Variants in RBMS1 observed in about 807,000 individuals in gnomAD.
RBMS1 encodes RNA binding motif single stranded interacting protein 1, also known as RNA-binding motif, single-stranded-interacting protein 1.
A neutral mutation model predicts 62.3 loss-of-function variants in RBMS1; 17 were observed. The ratio of observed to expected loss-of-function variants is 0.27; its 90% CI spans 0.19 to 0.41. The LOEUF is 0.41. Among genes scored for constraint, RBMS1 ranks in the 10% least tolerant of loss-of-function variants. RBMS1 has a pLI of 1.00. For missense variants in RBMS1, 334 were observed against 504.5 expected (o/e 0.66, Z 3.24); for synonymous variants, 172 against 170.0 (o/e 1.01, Z -0.09).
At chr2:160,348,469 G>C (rs1692308524) in intron 2 of RBMS1, among the ~76,000 whole-genome samples, 1 of 152,080 alleles carries the variant, frequency 6.6e-6, no homozygotes, top group Non-Finnish European at 1.5e-5. Context: ...ACATACCCTA[G>C]AAGGCAAAGG....
chr2:160,359,016 A>G (rs1573927243), intron 2 of RBMS1, among the ~76,000 whole-genome samples: 1 of 152,326 alleles, frequency 6.6e-6, no homozygotes, highest in East Asian at 1.9e-4. Context: ...AATCTCAATT[A>G]TCTGAGATGT....
intron 2 of RBMS1, among the ~76,000 whole-genome samples, chr2:160,339,045 A>G (rs891755785): frequency 6.6e-6 from 1 of 152,212 alleles, no homozygotes. Flanking sequence ...TACACAGGCA[A>G]GCAGGGTTTC....
chr2:160,479,741 G>A (rs993479870), intron 1 of RBMS1, among the ~76,000 whole-genome samples: 1 of 152,138 alleles, frequency 6.6e-6, no homozygotes, highest in African/African-American at 2.4e-5. Context: ...GAGTGGCTTA[G>A]ACTAGATGAT....
chr2:160,300,921 A>C (rs1689175309), intron 5 of RBMS1, among the ~76,000 whole-genome samples, 191 bp from the exon 6 acceptor site: 1 of 152,228 alleles, frequency 6.6e-6, no homozygotes, highest in African/African-American at 2.4e-5. Context: ...TAAAATGACA[A>C]CTGATAACAA....
chr2:160,380,706 C>T (rs1246815646), intron 1 of RBMS1, among the ~76,000 whole-genome samples: 4 of 152,118 alleles, frequency 2.6e-5, no homozygotes. Flanking sequence ...AAGATCGGAA[C>T]CAAGCATGAT....
chr2:160,290,323 A>C (rs1688617190), intron 6 of RBMS1, among the ~76,000 whole-genome samples: 1 of 151,758 alleles, frequency 6.6e-6, no homozygotes, highest in South Asian at 2.1e-4. Flanking sequence ...TAGTCATATG[A>C]CTTTGAGTGA....
intron 2 of RBMS1, among the ~76,000 whole-genome samples, chr2:160,333,557 C>T (rs554300680): frequency 1.3e-5 from 2 of 152,128 alleles, no homozygotes; most frequent in Non-Finnish European, 2.9e-5. Flanking sequence ...CAGGCCCCTG[C>T]TTGTTTCCTC....
chr2:160,326,155 G>A (rs929853531), intron 2 of RBMS1, among the ~76,000 whole-genome samples: 5 of 152,148 alleles, frequency 3.3e-5, no homozygotes, highest in African/African-American at 9.7e-5. Context: ...AAAACCAGGC[G>A]CTGAAGGTGA....
At chr2:160,387,343 A>T (rs1403087640) in intron 1 of RBMS1, among the ~76,000 whole-genome samples, 1 of 150,924 alleles carries the variant, frequency 6.6e-6, no homozygotes, top group African/African-American at 2.4e-5. Flanking sequence ...CTTAGGAGGG[A>T]TGAATAAGAA....
At chr2:160,285,330 T>A (rs1331765671) in intron 7 of RBMS1, among the ~76,000 whole-genome samples, 1 of 152,170 alleles carries the variant, frequency 6.6e-6, no homozygotes, top group Non-Finnish European at 1.5e-5. Flanking sequence ...TGGGAGTTTC[T>A]GTTAGTCAAA....
At chr2:160,459,387 A>C (rs572357648) in intron 1 of RBMS1, among the ~76,000 whole-genome samples, 1 of 152,298 alleles carries the variant, frequency 6.6e-6, no homozygotes, top group South Asian at 2.1e-4. Context: ...TTGATCCTCC[A>C]TGATCTTTTT....
At chr2:160,383,262 G>A (rs1019253149) in intron 1 of RBMS1, among the ~76,000 whole-genome samples, 5 of 151,978 alleles carry the variant, frequency 3.3e-5, no homozygotes, top group South Asian at 2.1e-4. Flanking sequence ...GCCTTGTGAC[G>A]GCAGAATACC....
intron 1 of RBMS1, among the ~76,000 whole-genome samples, chr2:160,481,358 T>TAAAAAAAAA (rs373909477): frequency 7.9e-6 from 1 of 127,080 alleles, no homozygotes; most frequent in Non-Finnish European, 1.7e-5. Flanking sequence ...GTAGGAAATG[T>TAAAAAAAAA]AAAAAAAAAA....
chr2:160,463,175 T>C (rs1202569053), intron 1 of RBMS1, among the ~76,000 whole-genome samples: 1 of 152,166 alleles, frequency 6.6e-6, no homozygotes, highest in African/African-American at 2.4e-5. Flanking sequence ...CTGCCAAAAG[T>C]AGTTTTCACA....
intron 1 of RBMS1, among the ~76,000 whole-genome samples, chr2:160,376,636 C>A (rs922116055): frequency 2.6e-5 from 4 of 150,956 alleles, no homozygotes; most frequent in African/African-American, 9.8e-5. Context: ...TTTAATTTAT[C>A]TTATTTTATT....
chr2:160,322,022 T>C (rs1690589758), intron 2 of RBMS1, among the ~76,000 whole-genome samples: 1 of 152,212 alleles, frequency 6.6e-6, no homozygotes, highest in Non-Finnish European at 1.5e-5. Flanking sequence ...TCTCTTCAAC[T>C]ATTTAGTTGG....
intron 1 of RBMS1, among the ~76,000 whole-genome samples, chr2:160,392,195 T>C (rs1415332503): frequency 6.6e-6 from 1 of 152,188 alleles, no homozygotes; most frequent in Non-Finnish European, 1.5e-5. Flanking sequence ...TTGGGTTTCA[T>C]TTTCTTTCAA....
At chr2:160,311,904 GGTAATAAAGACTGGGACATAA>G (rs555543390) in intron 4 of RBMS1, among the ~76,000 whole-genome samples, 2 of 152,250 alleles carry the variant, frequency 1.3e-5, no homozygotes, top group South Asian at 4.1e-4. Context: ...ATTACATTTG[GGTAATAAAGACTGGGACATAA>G]ATATCAGTTT....
intron 9 of RBMS1, chr2:160,282,345 T>C (rs781567492): frequency 7.4e-7 from 1 of 1,360,232 alleles, no homozygotes. Context: ...CTTGTTAACA[T>C]TTCAGTTATC....
Sources: gnomAD v4.1 joint callset for allele counts (sites outside exome capture counted in the v4.1 genomes callset) on GRCh38, gnomAD v4.1.1 for gene constraint, MANE v1.5 for transcripts, NCBI Gene and HGNC (gene_info 2026-07-23, HGNC 2026-07-21) for gene names.